The following RPTOR variants were observed in gnomAD, a reference collection of about 807,000 sequenced individuals.
RPTOR encodes regulatory associated protein of MTOR complex 1, also known as regulatory-associated protein of mTOR.
A neutral mutation model predicts 169.9 loss-of-function variants in RPTOR; 21 were observed. The observed-to-expected ratio is 0.12, with a 90% CI of 0.09 to 0.18. The LOEUF (loss-of-function observed/expected upper bound fraction) is 0.18. Ranked by LOEUF, RPTOR falls within the 10% of genes least tolerant of loss-of-function variation. The pLI, the probability that RPTOR is intolerant of heterozygous loss-of-function variation, is 1.00. For missense variants in RPTOR, 1,133 were observed against 1,855.9 expected, an observed-to-expected ratio of 0.61 and a Z score of 7.16; for synonymous variants, 732 against 753.2, an observed-to-expected ratio of 0.97 and a Z score of 0.46.
At chr17:80,790,281 C>T (rs1352211072) in intron 6 of RPTOR, among the ~76,000 whole-genome samples, 4 of 152,236 alleles carry the variant, frequency 2.6e-5, no homozygotes, top group Admixed American at 2.0e-4. Context: ...CGATAAAACA[C>T]TGACTACTGC....
At chr17:80,862,625 G>A (rs1000183017) in intron 13 of RPTOR, among the ~76,000 whole-genome samples, 2 of 116,910 alleles carry the variant, frequency 1.7e-5, no homozygotes, top group African/African-American at 8.6e-5. Flanking sequence ...TGTCTGCTCC[G>A]CCCCCTCCTC....
intron 1 of RPTOR, 70 bp downstream of exon 1, chr17:80,545,861 A>T (rs1320634756): frequency 7.3e-7 from 1 of 1,378,900 alleles, no homozygotes; most frequent in Non-Finnish European, 9.8e-7. Flanking sequence ...CAGCCCGAAA[A>T]GTGTCCTTGG....
At chr17:80,808,418 C>T (rs2067240886) in intron 7 of RPTOR, among the ~76,000 whole-genome samples, 1 of 152,174 alleles carries the variant, frequency 6.6e-6, no homozygotes, top group Non-Finnish European at 1.5e-5. Flanking sequence ...AGCAAGACCC[C>T]ATCTGCTAAA....
chr17:80,790,106 A>C (rs573655294), intron 6 of RPTOR, among the ~76,000 whole-genome samples: 225 of 152,300 alleles, frequency 1.5e-3, no homozygotes, highest in Admixed American at 2.7e-3. Context: ...GGCATGGCTG[A>C]GGAGAGCATC....
At chr17:80,881,184 A>G (rs894130288) in intron 14 of RPTOR, among the ~76,000 whole-genome samples, 1 of 151,714 alleles carries the variant, frequency 6.6e-6, no homozygotes, top group Non-Finnish European at 1.5e-5. Context: ...GCTTTGCTGT[A>G]TAAAGGAACT....
At chr17:80,789,858 A>G (rs553198398) in intron 6 of RPTOR, among the ~76,000 whole-genome samples, 1 of 152,320 alleles carries the variant, frequency 6.6e-6, no homozygotes, top group South Asian at 2.1e-4. Flanking sequence ...TATTTTGTCC[A>G]GAGCTTATCA....
chr17:80,647,443 T>C (rs2065604792), intron 3 of RPTOR, among the ~76,000 whole-genome samples: 1 of 152,166 alleles, frequency 6.6e-6, no homozygotes, highest in Non-Finnish European at 1.5e-5. Flanking sequence ...AAATTGGGGC[T>C]ACTGGCAGTT....
At chr17:80,610,329 A>G (rs1189780807) in intron 1 of RPTOR, among the ~76,000 whole-genome samples, 1 of 152,186 alleles carries the variant, frequency 6.6e-6, no homozygotes, top group Non-Finnish European at 1.5e-5. Context: ...TAGACAGAAA[A>G]CACGTCTGAA....
intron 4 of RPTOR, among the ~76,000 whole-genome samples, chr17:80,715,585 G>GTT (rs34329434): frequency 9.6e-5 from 14 of 146,200 alleles, no homozygotes; most frequent in African/African-American, 3.2e-4. Context: ...TTATTTTTAT[G>GTT]TTTTTTTTTT....
intron 3 of RPTOR, among the ~76,000 whole-genome samples, chr17:80,666,546 T>C (rs1213655645): frequency 6.6e-6 from 1 of 152,224 alleles, no homozygotes; most frequent in Non-Finnish European, 1.5e-5. Context: ...ATGTTGATTA[T>C]TGGCCATATA....
rs551473802 is a variant in RPTOR at position 80,562,320 on chromosome 17, C to T, written c.162+16529C>T. Among the ~76,000 whole-genome samples, 60 of 152,254 alleles carry T rather than the reference C, an allele frequency of 3.9e-4. No homozygotes were observed. Among genetic ancestry groups the T allele is most frequent in the South Asian group, 3.1e-3 (15 of 4,824 alleles). On this transcript the variant is annotated intron_variant, in intron 1 of 33. Coordinates refer to ENST00000306801, the MANE Select transcript of RPTOR (RefSeq NM_020761.3). This position sits in a 1 kb window ranked among gnomAD's most constrained non-coding sequence, Gnocchi z 4.4. ...TTGGTGGGATATGTTGAAATTGTTG[C>T]CTAAAACGATCGCTGATCTTGTGCC...
At chr17:80,935,553 AT>A (rs1288075080) in intron 24 of RPTOR, among the ~76,000 whole-genome samples, 1 of 152,242 alleles carries the variant, frequency 6.6e-6, no homozygotes, top group African/African-American at 2.4e-5. Context: ...GTCTACACAA[AT>A]ATGTTCAATT....
At chr17:80,615,898 G>C (rs1324471881) in intron 1 of RPTOR, among the ~76,000 whole-genome samples, 1 of 152,080 alleles carries the variant, frequency 6.6e-6, no homozygotes, top group Non-Finnish European at 1.5e-5. Flanking sequence ...TCTGTTATTG[G>C]AATCCACCTC....
At chr17:80,890,033 G>C (rs535171155) in intron 17 of RPTOR, among the ~76,000 whole-genome samples, 2 of 148,502 alleles carry the variant, frequency 1.3e-5, no homozygotes, top group South Asian at 4.3e-4. Flanking sequence ...GTGTGTTCGG[G>C]AGTGAGGGAG....
intron 5 of RPTOR, among the ~76,000 whole-genome samples, chr17:80,744,281 T>G (rs188230190): frequency 2.8e-4 from 24 of 85,790 alleles, no homozygotes; most frequent in East Asian, 7.8e-4. Context: ...CCCTGGTTAC[T>G]AGCACTGTCC....
chr17:80,926,876 G>A (rs552502441), intron 24 of RPTOR, among the ~76,000 whole-genome samples: 4 of 152,356 alleles, frequency 2.6e-5, no homozygotes, highest in Admixed American at 1.3e-4. Context: ...TAAGCACGAA[G>A]CACCTTTAGA....
intron 24 of RPTOR, among the ~76,000 whole-genome samples, chr17:80,932,546 A>G (rs2068910488): frequency 6.6e-6 from 1 of 152,200 alleles, no homozygotes; most frequent in African/African-American, 2.4e-5. Flanking sequence ...GAGGGATTTC[A>G]GCAGAGAGTT....
At chr17:80,858,019 C>T (rs1280523076) in intron 13 of RPTOR, 119 bp downstream of exon 13, 13 of 783,360 alleles carry the variant, frequency 1.7e-5, no homozygotes, top group African/African-American at 6.8e-5. Context: ...CAGGCACCGC[C>T]GTTCCCTTCC....
intron 21 of RPTOR, 44 bp from the exon 22 acceptor site, chr17:80,922,680 G>C: frequency 6.8e-7 from 1 of 1,478,198 alleles, no homozygotes; most frequent in Non-Finnish European, 9.2e-7. Flanking sequence ...CCTCCGCGGA[G>C]CACGTCCCGT....
Sources: allele counts gnomAD v4.1 joint callset (sites outside exome capture counted in the v4.1 genomes callset), GRCh38; gene constraint gnomAD v4.1.1; non-coding constraint Gnocchi (gnomAD v3.1); transcripts MANE v1.5; gene names NCBI Gene and HGNC (gene_info 2026-07-23, HGNC 2026-07-21).